The following UTP4 variants were observed in gnomAD, a reference collection of about 807,000 sequenced individuals.
UTP4 encodes UTP4 small subunit processome component.
UTP4 carries 45 observed loss-of-function variants against 82.4 expected under a neutral mutation model. The ratio of observed to expected loss-of-function variants is 0.55; its 90% CI spans 0.43 to 0.70. UTP4 has a LOEUF of 0.70. Ranked by LOEUF, UTP4 falls within the 30% of genes least tolerant of loss-of-function variation. The probability of loss-of-function intolerance (pLI) is 0.00; values close to 1 mark genes in which losing one functional copy is unlikely to be tolerated. For missense variants in UTP4, 819 were observed against 858.3 expected (o/e 0.95, Z 0.57); for synonymous variants, 348 against 300.3 (o/e 1.16, Z -1.64).
chr16:69,143,198 A>G lies in UTP4; in HGVS notation c.547A>G (p.Ile183Val), dbSNP rs750385602. 8 of 1,614,186 alleles carry G rather than the reference A, an allele frequency of 5.0e-6. No individual in the cohort carries two copies. Among genetic ancestry groups the G allele is most frequent in the Non-Finnish European group, 5.1e-6 (6 of 1,180,028 alleles). Reference sequence around the variant, plus strand: ...TTCAGGCAGCGCTGTTCATAAGATGATTGTGGACAGGCAGTATATGGGCGT... The same window carrying G: ...TTCAGGCAGCGCTGTTCATAAGATGGTTGTGGACAGGCAGTATATGGGCGT... Reference protein sequence around the residue: ...VKSGSAVHKMIVDRQYMGVSK... With the variant: ...VKSGSAVHKMVVDRQYMGVSK... The change falls in exon 6 of 17, where the codon ATT becomes GTT. Residue 183 changes from isoleucine (I) to valine (V), a missense_variant. By Grantham distance (29) the Ile-to-Val change is conservative (BLOSUM62 3). Transcript: ENST00000314423.
At chr16:69,163,041 T>C (rs1244323188) in intron 13 of UTP4, 42 bp from the exon 14 acceptor site, 7 of 1,413,404 alleles carry the variant, frequency 5.0e-6, no homozygotes, top group South Asian at 3.4e-5. Context: ...TGAGGAAAAG[T>C]GTCACTTAGA....
At chr16:69,147,988 C>G (rs1454625688) in intron 6 of UTP4, among the ~76,000 whole-genome samples, 1 of 152,012 alleles carries the variant, frequency 6.6e-6, no homozygotes, top group African/African-American at 2.4e-5. Flanking sequence ...GAATCTTGCT[C>G]TGTCGCCTAG....
intron 2 of UTP4, among the ~76,000 whole-genome samples, chr16:69,134,964 G>C (rs1219957074): frequency 6.6e-6 from 1 of 151,310 alleles, no homozygotes; most frequent in African/African-American, 2.4e-5. Flanking sequence ...TGGGATTACA[G>C]GTGTGAGCCC....
intron 14 of UTP4, 76 bp downstream of exon 14, chr16:69,163,254 G>A (rs1459778157): frequency 9.1e-5 from 113 of 1,240,600 alleles, no homozygotes; most frequent in African/African-American, 1.3e-4. Context: ...GGGCAGTTGC[G>A]GGGAGCTTTT....
intron 2 of UTP4, among the ~76,000 whole-genome samples, chr16:69,135,639 T>TCAGGAGGTTGAGGCTACATTGAGCC (rs1418926310): frequency 2.6e-5 from 4 of 152,088 alleles, no homozygotes; most frequent in Non-Finnish European, 4.4e-5. Flanking sequence ...TCGCTTGAGC[T>TCAGGAGGTTGAGGCTACATTGAGCC]CAGGAGGTTG....
In UTP4 at chr16:69,165,178, G is replaced by A. The variant is rs567817372; in HGVS notation, c.1648-163G>A. ...CCACTACACTCCAGCCTGTGTGGCA[G>A]AGTGAGACTCCATCTCAAAAAAAAA... is the stretch of plus-strand genomic sequence containing the variant. On this transcript the variant is annotated intron_variant, in intron 14 of 16. Transcript: ENST00000314423. Among the ~76,000 whole-genome samples the A allele has an allele frequency of 9.9e-5, 15 of 151,264 alleles. No homozygotes were observed. In the East Asian group the frequency reaches 2.9e-3, roughly 29 times the overall value.
chr16:69,147,420 G>A lies in UTP4; in HGVS notation c.739-3117G>A, dbSNP rs565868274. Among the ~76,000 whole-genome samples, 15 of 151,986 alleles carry A rather than the reference G, an allele frequency of 9.9e-5. No individual in the cohort carries two copies. The South Asian group carries it at 2.5e-3, about 25-fold the overall frequency. On this transcript the variant is annotated intron_variant, in intron 6 of 16. Coordinates refer to ENST00000314423, the MANE Select transcript of UTP4 (RefSeq NM_032830.3). ...CTCGGGAGGCTGAGGCAGGAGAATC[G>A]CTTGAACCAGGGAGGCGGAGGTTGC...
In UTP4 at chr16:69,167,146, GC is replaced by G; in HGVS notation, c.1906del (p.Arg636AlafsTer29). The G allele has an allele frequency of 6.2e-7, 1 of 1,613,550 alleles. No individual in the cohort carries two copies. ...CGAATGAATCAGATGTCATCCGGAG[GC>G]GCACAGCTCATGCTTTTAAAATTTC... ...PTNESDVIRR[R>X]TAHAFKISKI... On this transcript the variant is annotated frameshift_variant, in exon 16 of 17. Coordinates refer to ENST00000314423, the MANE Select transcript of UTP4 (RefSeq NM_032830.3). LOFTEE classifies it high-confidence loss of function.
intron 5 of UTP4, among the ~76,000 whole-genome samples, chr16:69,140,176 A>G (rs1024175671): frequency 2.0e-5 from 3 of 152,336 alleles, no homozygotes. Flanking sequence ...GAACTAGTAC[A>G]TTCGTGTACT....
intron 4 of UTP4, among the ~76,000 whole-genome samples, chr16:69,138,282 CTGG>C (rs1418447861): frequency 2.3e-3 from 336 of 147,986 alleles, no homozygotes; most frequent in African/African-American, 7.7e-3. Flanking sequence ...GTCATCCATG[CTGG>C]CAGTGGCGGT....
chr16:69,141,693 T>G (rs991715202), intron 5 of UTP4, among the ~76,000 whole-genome samples: 12 of 152,044 alleles, frequency 7.9e-5, no homozygotes, highest in African/African-American at 2.4e-4. Context: ...CTGGGAGAGT[T>G]TGTCTTTTTT....
intron 14 of UTP4, 146 bp from the exon 15 acceptor site, chr16:69,165,194 CA>C (rs111880969): frequency 0.15 from 78,550 of 517,294 alleles, 52 homozygotes; most frequent in South Asian, 0.21. Flanking sequence ...GACTCCATCT[CA>C]AAAAAAAAAA....
intron 1 of UTP4, 125 bp from the exon 2 acceptor site, chr16:69,133,332 GA>G: frequency 1.1e-6 from 1 of 882,890 alleles, no homozygotes; most frequent in South Asian, 1.4e-5. Context: ...CAGCCATTTG[GA>G]AATGAACTTC....
intron 12 of UTP4, among the ~76,000 whole-genome samples, chr16:69,159,591 G>A (rs200878765): frequency 6.6e-6 from 1 of 152,190 alleles, no homozygotes; most frequent in East Asian, 1.9e-4. Context: ...GGGAGGCTGA[G>A]GCAGGAGAAT....
chr16:69,163,681 C>G (rs1374062800), intron 14 of UTP4, among the ~76,000 whole-genome samples: 1 of 136,124 alleles, frequency 7.3e-6, no homozygotes, highest in African/African-American at 2.9e-5. Context: ...ATAAGGAGAT[C>G]TTTAAAAAAA....
chr16:69,153,549 A>G (rs367934569), intron 8 of UTP4, 35 bp from the exon 9 acceptor site: 98 of 1,498,954 alleles, frequency 6.5e-5, no homozygotes, highest in Admixed American at 2.9e-4. Flanking sequence ...GATGACCCTG[A>G]CTTATTTTTT....
intron 12 of UTP4, among the ~76,000 whole-genome samples, chr16:69,158,221 G>T (rs1213443286): frequency 7.7e-6 from 1 of 129,932 alleles, no homozygotes; most frequent in African/African-American, 3.0e-5. Flanking sequence ...GCCGAGGCTG[G>T]AGTGCAGTGG....
In UTP4 at chr16:69,133,765, C is replaced by G. The variant is rs930183976; in HGVS notation, c.159+147C>G. 6.6e-5 allele frequency: 51 copies of G among 774,152 alleles called. No homozygotes were observed. In the Admixed American group the frequency reaches 1.1e-3, roughly 16 times the overall value. 48.0% of individuals were successfully genotyped at this position (774,152 alleles called of 1,614,324 possible). On this transcript the variant is annotated intron_variant, in intron 2 of 16. Transcript: ENST00000314423. ...AGAACTACCAAACTTCTGAGATCTC[C>G]TAACTGATAAGAGAAGCTCAGTTTC...
chr16:69,167,300 C>T (rs905858576), intron 16 of UTP4, 115 bp downstream of exon 16: 1 of 740,526 alleles, frequency 1.4e-6, no homozygotes, highest in Non-Finnish European at 2.4e-6. Flanking sequence ...GAGAACCTGG[C>T]TTGTGGGAGA....
Sources: allele counts gnomAD v4.1 joint callset (sites outside exome capture counted in the v4.1 genomes callset), GRCh38; gene constraint gnomAD v4.1.1; transcripts MANE v1.5; gene names NCBI Gene and HGNC (gene_info 2026-07-23, HGNC 2026-07-21).